EPB41L3: variants seen among roughly 807,000 people sequenced by gnomAD.
EPB41L3 encodes the protein erythrocyte membrane protein band 4.1 like 3.
A neutral mutation model predicts 127.1 loss-of-function variants in EPB41L3; 57 were observed. That is an observed-to-expected ratio of 0.45 (90% CI 0.36 to 0.56). The LOEUF (loss-of-function observed/expected upper bound fraction) is 0.56, where lower values mean the gene tolerates loss of function less well. EPB41L3 is among the 20% of genes least tolerant of loss of function. EPB41L3 has a pLI of 0.00. For synonymous variants in EPB41L3, 572 were observed against 549.5 expected, an observed-to-expected ratio of 1.04 and a Z score of -0.57; for missense variants, 1,273 against 1,372.2, an observed-to-expected ratio of 0.93 and a Z score of 1.14.
chr18:5,594,506 G>C (rs1432932644), intron 3 of EPB41L3, among the ~76,000 whole-genome samples: 1 of 152,162 alleles, frequency 6.6e-6, no homozygotes, highest in Non-Finnish European at 1.5e-5. Context: ...ATAACATGTA[G>C]TTTTCATAAA....
At chr18:5,453,332 A>G (rs1265635565) in intron 3 of EPB41L3, among the ~76,000 whole-genome samples, 1 of 152,210 alleles carries the variant, frequency 6.6e-6, no homozygotes, top group African/African-American at 2.4e-5. Flanking sequence ...GAAGAGAATG[A>G]GGAGAGCAAG....
At chr18:5,433,390 A>T in intron 8 of EPB41L3, 79 bp downstream of exon 8, 1 of 1,038,654 alleles carries the variant, frequency 9.6e-7, no homozygotes, top group Non-Finnish European at 1.4e-6. Flanking sequence ...ACTGAAGTAA[A>T]AATCACCAGC....
intron 3 of EPB41L3, among the ~76,000 whole-genome samples, chr18:5,549,999 TAATA>T (rs2093942013): frequency 6.6e-6 from 1 of 152,222 alleles, no homozygotes; most frequent in Non-Finnish European, 1.5e-5. Flanking sequence ...GTAAGTATAG[TAATA>T]AATAACAATA....
chr18:5,577,442 C>G, intron 3 of EPB41L3: 1 of 413,204 alleles, frequency 2.4e-6, no homozygotes, highest in Admixed American at 3.0e-5. Flanking sequence ...TTCTATTCCT[C>G]CAGGAATATT....
rs78010838 is a variant in EPB41L3, at chr18:5,486,891, A to G, written c.183+2110T>C. Among the ~76,000 whole-genome samples the G allele has an allele frequency of 9.2e-3, 1,402 of 152,292 alleles. 19 individuals carry two copies. Among genetic ancestry groups the G allele is most frequent in the African/African-American group, 0.03 (1,264 of 41,560 alleles). The stretch of plus-strand genomic sequence containing the variant: ...AAACTGCTAGTGGAAATGTAAATTC[A>G]TACAGCCACTGTGAAAAACAGTATG... On this transcript the variant is annotated intron_variant, in intron 2 of 22. Coordinates refer to ENST00000341928, the MANE Select transcript of EPB41L3 (RefSeq NM_012307.5).
intron 1 of EPB41L3, among the ~76,000 whole-genome samples, chr18:5,503,378 T>C (rs73379591): frequency 0.19 from 28,893 of 151,914 alleles, 3,040 homozygotes; most frequent in African/African-American, 0.28. Flanking sequence ...GCATCCGGAG[T>C]GCCCGAAAAA....
At chr18:5,418,778 C>T (rs1285511841) in intron 12 of EPB41L3, among the ~76,000 whole-genome samples, 2 of 152,148 alleles carry the variant, frequency 1.3e-5, no homozygotes, top group African/African-American at 4.8e-5. Flanking sequence ...AAATTCTCAT[C>T]AAAAGGAACA....
At chr18:5,401,056 A>AG (rs2074417081) in intron 16 of EPB41L3, 1 of 1,525,714 alleles carries the variant, frequency 6.6e-7, no homozygotes. Flanking sequence ...GTTTGAATAA[A>AG]GGGGGTTGGG....
chr18:5,562,289 T>C (rs1313567832), intron 3 of EPB41L3, among the ~76,000 whole-genome samples: 4 of 152,172 alleles, frequency 2.6e-5, no homozygotes, highest in African/African-American at 9.7e-5. Flanking sequence ...CTAAAACTAT[T>C]TCAAAATAAA....
chr18:5,552,791 A>G (rs767717517), intron 3 of EPB41L3, among the ~76,000 whole-genome samples: 1 of 152,224 alleles, frequency 6.6e-6, no homozygotes, highest in East Asian at 1.9e-4. Flanking sequence ...AAAGAGGTCA[A>G]TGAGGCAGAA....
chr18:5,423,187 G>A (rs1436179083), intron 11 of EPB41L3, among the ~76,000 whole-genome samples, 191 bp downstream of exon 11: 2 of 152,130 alleles, frequency 1.3e-5, no homozygotes, highest in Non-Finnish European at 2.9e-5. Context: ...TAAACCTGCA[G>A]ATGTTAGACT....
In EPB41L3 at chr18:5,475,408, G is replaced by A. The variant is rs896797992; in HGVS notation, c.381+2833C>T. On this transcript the variant is annotated intron_variant, in intron 3 of 22. Coordinates refer to ENST00000341928, the MANE Select transcript of EPB41L3 (RefSeq NM_012307.5). The stretch of plus-strand genomic sequence containing the variant: ...GGTTACCATTAGCCCTCCCCAGTCC[G>A]GTGGCTTCAGAGCATTTATCGCATG... 7.9e-5 allele frequency among the ~76,000 whole-genome samples: 12 copies of A among 152,254 alleles called. 1 individual carries two copies. Among genetic ancestry groups the A allele is most frequent in the Admixed American group, 4.6e-4 (7 of 15,290 alleles).
intron 1 of EPB41L3, among the ~76,000 whole-genome samples, chr18:5,614,850 A>C (rs1417014749): frequency 1.3e-5 from 2 of 152,222 alleles, no homozygotes; most frequent in Non-Finnish European, 2.9e-5. Flanking sequence ...CATGATTATG[A>C]TTTTAATAAA....
At chr18:5,492,755 G>C (rs139137551) in intron 1 of EPB41L3, among the ~76,000 whole-genome samples, 1 of 152,114 alleles carries the variant, frequency 6.6e-6, no homozygotes, top group Admixed American at 6.5e-5. Flanking sequence ...AGGCTTTAAA[G>C]GTTTGGATTC....
intron 14 of EPB41L3, among the ~76,000 whole-genome samples, chr18:5,408,673 G>C (rs1362170063): frequency 1.3e-5 from 2 of 151,104 alleles, no homozygotes; most frequent in Admixed American, 6.6e-5. Flanking sequence ...AAAGAAGTCA[G>C]CTACTATTAA....
intron 1 of EPB41L3, among the ~76,000 whole-genome samples, chr18:5,623,333 C>A (rs2094886190): frequency 6.6e-6 from 1 of 152,218 alleles, no homozygotes; most frequent in Non-Finnish European, 1.5e-5. Flanking sequence ...CATTCAATTT[C>A]TCATAACTCA....
At chr18:5,592,602 G>A (rs750442785) in intron 3 of EPB41L3, among the ~76,000 whole-genome samples, 1 of 152,216 alleles carries the variant, frequency 6.6e-6, no homozygotes, top group African/African-American at 2.4e-5. Context: ...AGAGGAGGGA[G>A]GGTTGTGCCA....
intron 3 of EPB41L3, among the ~76,000 whole-genome samples, chr18:5,561,391 G>A (rs1327945898): frequency 6.6e-6 from 1 of 152,136 alleles, no homozygotes; most frequent in Non-Finnish European, 1.5e-5. Flanking sequence ...AAGGACACAG[G>A]AGACAGCCTG....
At chr18:5,605,119 T>G (rs2094636008) in intron 3 of EPB41L3, among the ~76,000 whole-genome samples, 1 of 152,068 alleles carries the variant, frequency 6.6e-6, no homozygotes, top group South Asian at 2.1e-4. Context: ...CTTACTCTAA[T>G]TAGAAACAAC....
Sources: gnomAD v4.1 joint callset for allele counts (sites outside exome capture counted in the v4.1 genomes callset) on GRCh38, gnomAD v4.1.1 for gene constraint, MANE v1.5 for transcripts, NCBI Gene and HGNC (gene_info 2026-07-23, HGNC 2026-07-21) for gene names.